FAM135B: variants seen among roughly 807,000 people sequenced by gnomAD.
FAM135B encodes protein FAM135B.
A neutral mutation model predicts 127.7 loss-of-function variants in FAM135B; 43 were observed. That is an observed-to-expected ratio of 0.34 (90% CI 0.26 to 0.43). The LOEUF is 0.43. Among genes scored for constraint, FAM135B ranks in the 20% least tolerant of loss-of-function variants. The pLI is 1.00. For synonymous variants in FAM135B, 670 were observed against 665.1 expected (o/e 1.01, Z -0.11); for missense variants, 1,558 against 1,725.6 (o/e 0.90, Z 1.72).
chr8:138,266,384 T>C (rs1023947417), intron 3 of FAM135B, among the ~76,000 whole-genome samples: 1 of 152,014 alleles, frequency 6.6e-6, no homozygotes, highest in African/African-American at 2.4e-5. Context: ...TTTAAAGGAA[T>C]TGGTTTAGCT....
chr8:138,302,229 C>G (rs1017514023), intron 3 of FAM135B, among the ~76,000 whole-genome samples: 1 of 151,958 alleles, frequency 6.6e-6, no homozygotes, highest in African/African-American at 2.4e-5. Flanking sequence ...AGTGTGAATG[C>G]GGGCCCAGGC....
intron 2 of FAM135B, among the ~76,000 whole-genome samples, chr8:138,346,417 C>G (rs1000824214): frequency 6.6e-6 from 1 of 152,152 alleles, no homozygotes; most frequent in African/African-American, 2.4e-5. Flanking sequence ...GGAATCAACC[C>G]AAATGCCAAT....
intron 1 of FAM135B, among the ~76,000 whole-genome samples, chr8:138,430,637 C>A (rs543474421): frequency 6.6e-6 from 1 of 152,250 alleles, no homozygotes; most frequent in African/African-American, 2.4e-5. Flanking sequence ...TCACTTCTTC[C>A]ACATTCTATT....
chr8:138,156,378 T>A (rs1444492320), intron 12 of FAM135B, among the ~76,000 whole-genome samples: 1 of 151,966 alleles, frequency 6.6e-6, no homozygotes, highest in Non-Finnish European at 1.5e-5. Flanking sequence ...ACATCACACT[T>A]AAAAGAACTA....
intron 1 of FAM135B, among the ~76,000 whole-genome samples, chr8:138,426,024 CAT>C (rs1388701119): frequency 3.8e-4 from 25 of 65,828 alleles, no homozygotes; most frequent in African/African-American, 1.6e-3. Flanking sequence ...CACACACATA[CAT>C]ATACACACAC....
At chr8:138,228,048 G>A (rs1264616744) in intron 7 of FAM135B, among the ~76,000 whole-genome samples, 1 of 152,114 alleles carries the variant, frequency 6.6e-6, no homozygotes, top group Non-Finnish European at 1.5e-5. Context: ...CCGTTTCTGA[G>A]CCATGCATGT....
chr8:138,380,750 A>G (rs181360085), intron 1 of FAM135B, among the ~76,000 whole-genome samples: 12 of 142,154 alleles, frequency 8.4e-5, no homozygotes, highest in East Asian at 7.8e-4. Context: ...AAGAGGTTGG[A>G]AAAAAAAAGT....
intron 4 of FAM135B, among the ~76,000 whole-genome samples, chr8:138,257,894 A>T (rs1036089741): frequency 4.3e-5 from 6 of 138,112 alleles, no homozygotes; most frequent in African/African-American, 7.7e-5. Context: ...ATAAAAAAAA[A>T]AATAAAACAA....
intron 1 of FAM135B, among the ~76,000 whole-genome samples, chr8:138,476,444 C>T (rs577474933): frequency 6.7e-6 from 1 of 149,512 alleles, no homozygotes; most frequent in East Asian, 2.0e-4. Context: ...AGGGGCTGTG[C>T]ATGTATGGGG....
chr8:138,421,775 G>GA (rs1834525034), intron 1 of FAM135B, among the ~76,000 whole-genome samples: 1 of 151,926 alleles, frequency 6.6e-6, no homozygotes, highest in South Asian at 2.1e-4. Flanking sequence ...CATAGAATTA[G>GA]AAAAAACTAT....
chr8:138,256,662 C>T (rs2130543389), intron 5 of FAM135B, 27 bp downstream of exon 5: 9 of 1,600,968 alleles, frequency 5.6e-6, no homozygotes, highest in Non-Finnish European at 7.7e-6. Context: ...TGTGCTACTA[C>T]AATTCAATAA....
intron 4 of FAM135B, among the ~76,000 whole-genome samples, chr8:138,260,143 T>C (rs1355175542): frequency 6.6e-6 from 1 of 152,200 alleles, no homozygotes; most frequent in Non-Finnish European, 1.5e-5. Flanking sequence ...AGAAGTTTAT[T>C]ACCCACAAAC....
intron 7 of FAM135B, among the ~76,000 whole-genome samples, chr8:138,218,056 A>G (rs1818708385): frequency 6.6e-6 from 1 of 152,238 alleles, no homozygotes; most frequent in African/African-American, 2.4e-5. Context: ...TATAATTGGT[A>G]GACTTTAATG....
intron 2 of FAM135B, among the ~76,000 whole-genome samples, chr8:138,354,927 T>A (rs910435427): frequency 6.6e-6 from 1 of 152,094 alleles, no homozygotes; most frequent in Non-Finnish European, 1.5e-5. Context: ...TTGTTACATA[T>A]GTATACATGT....
rs1166688491 is a variant in FAM135B at position 138,146,058 on chromosome 8, T to C, written c.3449-8A>G. 2.6e-6 allele frequency: 4 copies of C among 1,533,354 alleles called. No homozygotes were observed. The highest frequency in any genetic ancestry group is 2.7e-6 in the Non-Finnish European group (3 of 1,108,576). 95.0% of individuals were successfully genotyped at this position (1,533,354 alleles called of 1,614,324 possible). A position where few individuals can be genotyped will look rare whatever the true frequency, so the allele number is the denominator to read the frequency against. The stretch of plus-strand genomic sequence containing the variant: ...GGAGGTCTGCACTGTTCCCTAAAAA[T>C]GACAGATAACCCCCATCCCAGTCCC... On this transcript the variant is annotated splice_region_variant and splice_polypyrimidine_tract_variant and intron_variant, in intron 14 of 19. Transcript: ENST00000395297.
chr8:138,417,590 T>A (rs1210990098), intron 1 of FAM135B, among the ~76,000 whole-genome samples: 1 of 152,162 alleles, frequency 6.6e-6, no homozygotes, highest in Non-Finnish European at 1.5e-5. Flanking sequence ...ACCAATGGAC[T>A]GGGGACACCT....
At chr8:138,279,632 T>G (rs1290981610) in intron 3 of FAM135B, among the ~76,000 whole-genome samples, 2 of 152,234 alleles carry the variant, frequency 1.3e-5, no homozygotes, top group Admixed American at 1.3e-4. Flanking sequence ...CATGAAAGAT[T>G]AGATAAGACA....
chr8:138,403,715 C>T (rs576816935), intron 1 of FAM135B, among the ~76,000 whole-genome samples: 1 of 152,050 alleles, frequency 6.6e-6, no homozygotes, highest in East Asian at 1.9e-4. Context: ...ACATTCTGTG[C>T]CTCTTCTGAA....
chr8:138,198,093 A>G (rs34153407), intron 7 of FAM135B, among the ~76,000 whole-genome samples: 40,437 of 151,994 alleles, frequency 0.27, 6,359 homozygotes, highest in African/African-American at 0.41. Context: ...TCCACATGTC[A>G]TGGGAGGGAC....
Sources: allele counts gnomAD v4.1 joint callset (sites outside exome capture counted in the v4.1 genomes callset), GRCh38; gene constraint gnomAD v4.1.1; transcripts MANE v1.5; gene names NCBI Gene and HGNC (gene_info 2026-07-23, HGNC 2026-07-21).